SH2B3: variants seen among roughly 807,000 people sequenced by gnomAD.
SH2B3 encodes SH2B adapter protein 3.
Under a neutral mutation model 51.9 loss-of-function variants are expected in SH2B3, and 43 were observed. That is an observed-to-expected ratio of 0.83 (90% CI 0.65 to 1.07). The LOEUF (loss-of-function observed/expected upper bound fraction) is 1.07, where lower values mean the gene tolerates loss of function less well. Among genes scored for constraint, SH2B3 ranks in the 50% least tolerant of loss-of-function variants. The pLI, the probability that SH2B3 is intolerant of heterozygous loss-of-function variation, is 0.00. For missense variants in SH2B3, 952 were observed against 834.3 expected (o/e 1.14, Z -1.74); for synonymous variants, 396 against 376.0 (o/e 1.05, Z -0.62).
chr12:111,432,283 C>T (rs1262675228), intron 2 of SH2B3, among the ~76,000 whole-genome samples: 1 of 152,064 alleles, frequency 6.6e-6, no homozygotes, highest in Non-Finnish European at 1.5e-5. Flanking sequence ...AACTCCTGAC[C>T]TCAGGTGAGC....
chr12:111,433,777 GTTTTGT>G (rs1555225630), intron 2 of SH2B3, among the ~76,000 whole-genome samples: 1 of 152,058 alleles, frequency 6.6e-6, no homozygotes, highest in African/African-American at 2.4e-5. Context: ...GTTTTGTTTT[GTTTTGT>G]TTTTGTTTTT....
rs74163670 is a variant in SH2B3 at position 111,448,183 on chromosome 12, A to G, written c.1609A>G (p.Asn537Asp). ...HLVPSPEELA[N>D]SLQHLEHEPV... ...GGTGCCTTCGCCCGAAGAACTGGCC[A>G]ACAGCCTGCAGCACCTGGAGCATGA... Residue 537 changes from asparagine (N) to aspartate (D), a missense_variant, in exon 8 of 8, where the codon AAC becomes GAC. Physicochemically the swap from Asn to Asp is conservative, Grantham distance 23 (BLOSUM62 1). Transcript: ENST00000341259. The G allele has an allele frequency of 1.9e-5, 30 of 1,614,116 alleles. No homozygotes were observed. The South Asian group carries it at 3.1e-4, about 17-fold the overall frequency.
At chr12:111,430,015 G>A (rs1044573219) in intron 2 of SH2B3, among the ~76,000 whole-genome samples, 1 of 152,208 alleles carries the variant, frequency 6.6e-6, no homozygotes, top group Admixed American at 6.5e-5. Flanking sequence ...GGCTTAAGAA[G>A]CCGGTTTTTT....
At position 111,410,321 on chromosome 12, in the gene SH2B3, G is replaced by A. The variant is rs1408334174; in HGVS notation, c.-28+4044G>A. Among the ~76,000 whole-genome samples the A allele has an allele frequency of 1.3e-5, 2 of 152,270 alleles. No homozygotes were observed. Among genetic ancestry groups the A allele is most frequent in the South Asian group, 2.1e-4 (1 of 4,830 alleles). On this transcript the variant is annotated intron_variant, in intron 1 of 7. Coordinates refer to ENST00000341259, the MANE Select transcript of SH2B3 (RefSeq NM_005475.3). The surrounding 1 kb of genome is among the most constrained non-coding windows in gnomAD (Gnocchi z 4.9). ...GAGGGCAGTGTATGCTGCGAGAGGC[G>A]AGGTAATTGAGGGCTTACGCATGTC...
intron 2 of SH2B3, among the ~76,000 whole-genome samples, chr12:111,430,753 T>C (rs1351304115): frequency 6.6e-6 from 1 of 152,154 alleles, no homozygotes; most frequent in Non-Finnish European, 1.5e-5. Context: ...AGCACTTGCC[T>C]TAGTGGGTTG....
chr12:111,424,803 G>C (rs1033399532), intron 2 of SH2B3, among the ~76,000 whole-genome samples: 2 of 152,188 alleles, frequency 1.3e-5, no homozygotes, highest in African/African-American at 4.8e-5. Flanking sequence ...AGTCAACTGT[G>C]ATCCCTGACC....
intron 1 of SH2B3, among the ~76,000 whole-genome samples, chr12:111,415,393 G>A (rs1468350071): frequency 6.6e-6 from 1 of 152,126 alleles, no homozygotes; most frequent in East Asian, 1.9e-4. Context: ...GACAGCAGAG[G>A]GGTGGGGGGT....
intron 2 of SH2B3, among the ~76,000 whole-genome samples, chr12:111,433,362 T>A (rs942522685): frequency 6.6e-6 from 1 of 151,856 alleles, no homozygotes; most frequent in African/African-American, 2.4e-5. Context: ...GAAAAAAAAA[T>A]GACTATATAT....
chr12:111,447,246 G>A (rs952430412), intron 5 of SH2B3, 27 bp downstream of exon 5: 1 of 1,596,622 alleles, frequency 6.3e-7, no homozygotes, highest in Non-Finnish European at 8.6e-7. Context: ...CTAGGCCATT[G>A]TCTTCTGGGT....
At chr12:111,424,919 C>T (rs530382907) in intron 2 of SH2B3, among the ~76,000 whole-genome samples, 2 of 152,200 alleles carry the variant, frequency 1.3e-5, no homozygotes, top group African/African-American at 4.8e-5. Context: ...TCTGCACTTG[C>T]GGTCTGTCAC....
intron 2 of SH2B3, among the ~76,000 whole-genome samples, chr12:111,441,159 T>C (rs185761262): frequency 6.8e-6 from 1 of 146,270 alleles, no homozygotes; most frequent in Admixed American, 6.6e-5. Context: ...GAAGGATCAC[T>C]TGAGCCAGGA....
rs926482943 is a variant in SH2B3, at chr12:111,429,722, T to G, written c.732+10845T>G. ...TCACAAACCCCGGAGGTGGGGACAG[T>G]GATGAAGCCATTTCACAGCCAAGAA... On this transcript the variant is annotated intron_variant, in intron 2 of 7. Transcript: ENST00000341259. The surrounding 1 kb of genome is among the most constrained non-coding windows in gnomAD (Gnocchi z 4.4). 6.6e-6 allele frequency among the ~76,000 whole-genome samples: 1 copy of G among 151,992 alleles called. No individual in the cohort carries two copies.
At chr12:111,424,561 A>G (rs1871831215) in intron 2 of SH2B3, among the ~76,000 whole-genome samples, 1 of 152,124 alleles carries the variant, frequency 6.6e-6, no homozygotes, top group African/African-American at 2.4e-5. Context: ...GGGAGGTCCC[A>G]GAGGGCTTTG....
rs1367012328 is a variant in SH2B3, at chr12:111,407,282, T to TG, written c.-28+1011dup. Among the ~76,000 whole-genome samples the TG allele has an allele frequency of 6.7e-6, 1 of 150,330 alleles. No homozygotes were observed. The highest frequency in any genetic ancestry group is 1.5e-5 in the Non-Finnish European group (1 of 67,548). On this transcript the variant is annotated intron_variant, in intron 1 of 7. Transcript: ENST00000341259. This position sits in a 1 kb window ranked among gnomAD's most constrained non-coding sequence, Gnocchi z 4.3. The stretch of plus-strand genomic sequence containing the variant: ...CTGAGTGGGAGGAAGTGAAATCTGG[T>TG]GGGGGGTTCAGAGCAGAGGCCCCGG...
At position 111,418,234 on chromosome 12, in the gene SH2B3, G is replaced by A. The variant is rs1871229237; in HGVS notation, c.89G>A (p.Cys30Tyr). Residue 30 changes from cysteine (C) to tyrosine (Y), a missense_variant, in exon 2 of 8, where the codon TGT (cysteine) becomes TAT (tyrosine). By Grantham distance (194) the Cys-to-Tyr change is radical. Coordinates refer to ENST00000341259, the MANE Select transcript of SH2B3 (RefSeq NM_005475.3). The surrounding 1 kb of genome is among the most constrained non-coding windows in gnomAD (Gnocchi z 6.7). ...GCCCCGCGGGGCTGGAGCGAGTTCTGTGAGTTGCACGCCGTAGCGGCGGCC... is the reference window on the plus strand; with the variant it reads ...GCCCCGCGGGGCTGGAGCGAGTTCTATGAGTTGCACGCCGTAGCGGCGGCC... ...AAAPRGWSEF[C>Y]ELHAVAAARE... 1 of 1,577,130 alleles carries A rather than the reference G, an allele frequency of 6.3e-7. No homozygotes were observed. The highest frequency in any genetic ancestry group is 8.5e-7 in the Non-Finnish European group (1 of 1,170,946).
chr12:111,422,922 C>A (rs1423249715), intron 2 of SH2B3, among the ~76,000 whole-genome samples: 2 of 152,122 alleles, frequency 1.3e-5, no homozygotes, highest in African/African-American at 4.8e-5. Context: ...GTCTTGAACT[C>A]CTGACCTCAG....
chr12:111,416,173 ACCTCGTGATCTGCCTG>A, intron 1 of SH2B3, among the ~76,000 whole-genome samples: 1 of 151,474 alleles, frequency 6.6e-6, no homozygotes, highest in Admixed American at 6.6e-5. Flanking sequence ...TGATCTCCTG[ACCTCGTGATCTGCCTG>A]CCTCGGCCTC....
rs560665525 is a variant in SH2B3 at position 111,407,350 on chromosome 12, C to T, written c.-28+1073C>T. Among the ~76,000 whole-genome samples, 99 of 152,294 alleles carry T rather than the reference C, an allele frequency of 6.5e-4. 1 individual carries two copies. The South Asian group carries it at 0.018, about 28-fold the overall frequency. ...GGCCAGCTTTGGTGGCAGGAGGGAC[C>T]GAGATCTGACCCGCAGCCCCTCGCC... On this transcript the variant is annotated intron_variant, in intron 1 of 7. Transcript: ENST00000341259. This position sits in a 1 kb window ranked among gnomAD's most constrained non-coding sequence, Gnocchi z 4.3.
At position 111,451,418 on chromosome 12, in the gene SH2B3, T is replaced by G. The variant is rs1874576952; in HGVS notation, c.*3116T>G. On this transcript the variant is annotated 3_prime_UTR_variant, in exon 8 of 8. Transcript: ENST00000341259. ...TTGCGAGTATATTAACAAGGACACA[T>G]CTGACATCCTGTGTTTGGTTAGAAT... 2.0e-5 allele frequency: 3 copies of G among 152,652 alleles called. No individual in the cohort carries two copies. The highest frequency in any genetic ancestry group is 6.6e-5 in the Admixed American group (1 of 15,256). 9.5% of individuals were successfully genotyped at this position (152,652 alleles called of 1,614,324 possible).
Sources: allele counts gnomAD v4.1 joint callset (sites outside exome capture counted in the v4.1 genomes callset), GRCh38; gene constraint gnomAD v4.1.1; non-coding constraint Gnocchi (gnomAD v3.1); transcripts MANE v1.5; gene names NCBI Gene and HGNC (gene_info 2026-07-23, HGNC 2026-07-21).